The following GPR155 variants were observed in gnomAD, a reference collection of about 807,000 sequenced individuals.
GPR155 encodes G protein-coupled receptor 155, also known as lysosomal cholesterol signaling protein.
GPR155 carries 65 observed loss-of-function variants against 93.1 expected under a neutral mutation model. The ratio of observed to expected loss-of-function variants is 0.70; its 90% CI spans 0.57 to 0.86. The LOEUF is 0.86. Among genes scored for constraint, GPR155 ranks in the 40% least tolerant of loss-of-function variants. The pLI, the probability that GPR155 is intolerant of heterozygous loss-of-function variation, is 0.00. For missense variants in GPR155, 838 were observed against 1,034.8 expected, an observed-to-expected ratio of 0.81 and a Z score of 2.61; for synonymous variants, 319 against 360.1, an observed-to-expected ratio of 0.89 and a Z score of 1.29.
chr2:174,481,607 A>G lies in GPR155; in HGVS notation c.350T>C (p.Val117Ala). Reference sequence around the variant, plus strand: ...GGCAACCAATAAGGTTAATACACATACAATGAAAAATACAGAAGCTTTGGC... The same window carrying G: ...GGCAACCAATAAGGTTAATACACATGCAATGAAAAATACAGAAGCTTTGGC... ...LIAKASVFFI[V>A]CVLTLLVASP... The change falls in exon 2 of 16, where the codon GTA becomes GCA. Residue 117 changes from valine (V) to alanine (A), a missense_variant. Coordinates refer to ENST00000392552, the MANE Select transcript of GPR155 (RefSeq NM_152529.7). 1 of 1,613,544 alleles carries G rather than the reference A, an allele frequency of 6.2e-7. No individual in the cohort carries two copies.
At chr2:174,470,686 G>A (rs1206266455) in intron 3 of GPR155, 131 bp from the exon 4 acceptor site, 2 of 632,174 alleles carry the variant, frequency 3.2e-6, no homozygotes, top group Non-Finnish European at 2.6e-6. Context: ...CACATATTCT[G>A]TGCATGTCTA....
chr2:174,473,325 T>G lies in GPR155; in HGVS notation c.500A>C (p.Gln167Pro), dbSNP rs1574732884. ...TATTGGTGCCACCAAATAAATGTAC[T>G]GGAGATATTCTGGGTATGTAGTTTG... is the stretch of plus-strand genomic sequence containing the variant. ...LYQTTYPEYL[Q>P]YIYLVAPISL... The change falls in exon 3 of 16, where the codon CAG (glutamine) becomes CCG (proline). Residue 167 changes from glutamine (Q) to proline (P), a missense_variant. By Grantham distance (76) the Gln-to-Pro change is moderately conservative. Around this residue, in one of 3 missense-constraint regions of GPR155, gnomAD observed 663 missense variants for 790.1 expected, o/e 0.84. Coordinates refer to ENST00000392552, the MANE Select transcript of GPR155 (RefSeq NM_152529.7). The G allele has an allele frequency of 4.4e-6, 7 of 1,601,336 alleles. No individual in the cohort carries two copies. The highest frequency in any genetic ancestry group is 6.0e-6 in the Non-Finnish European group (7 of 1,173,018).
At chr2:174,453,866 G>C (rs752670112) in intron 10 of GPR155, 25 bp from the exon 11 acceptor site, 4 of 1,464,038 alleles carry the variant, frequency 2.7e-6, no homozygotes, top group African/African-American at 2.8e-5. Flanking sequence ...TAGTATGTGA[G>C]AGTAGAGCCC....
intron 2 of GPR155, among the ~76,000 whole-genome samples, chr2:174,479,361 T>C (rs983345586): frequency 1.3e-5 from 2 of 152,184 alleles, no homozygotes; most frequent in African/African-American, 4.8e-5. Flanking sequence ...ACAAGGCTGG[T>C]TGGGTCTTCT....
chr2:174,441,268 A>G (rs1319288381), intron 14 of GPR155, among the ~76,000 whole-genome samples: 1 of 152,044 alleles, frequency 6.6e-6, no homozygotes, highest in Non-Finnish European at 1.5e-5. Context: ...CATTTTATGT[A>G]CCATCATTTG....
intron 11 of GPR155, among the ~76,000 whole-genome samples, chr2:174,453,127 AC>A (rs1687370545): frequency 6.6e-6 from 1 of 152,206 alleles, no homozygotes; most frequent in African/African-American, 2.4e-5. Flanking sequence ...TCCACCTCCC[AC>A]CAAAATGCCC....
chr2:174,433,667 A>G lies in GPR155; in HGVS notation c.*2449T>C, dbSNP rs1002894438. On this transcript the variant is annotated 3_prime_UTR_variant, in exon 16 of 16. Coordinates refer to ENST00000392552, the MANE Select transcript of GPR155 (RefSeq NM_152529.7). Reference sequence around the variant, plus strand: ...GAATTAATGTCCTTATAAGGGGCCAATGAGACCAGTTCTTCCCATCTACCA... The same window carrying G: ...GAATTAATGTCCTTATAAGGGGCCAGTGAGACCAGTTCTTCCCATCTACCA... 6.6e-6 allele frequency: 1 copy of G among 152,232 alleles called. No homozygotes were observed. Among genetic ancestry groups the G allele is most frequent in the African/African-American group, 2.4e-5 (1 of 41,448 alleles). 9.4% of individuals were successfully genotyped at this position (152,232 alleles called of 1,614,324 possible).
At chr2:174,465,717 G>T in intron 7 of GPR155, 68 bp downstream of exon 7, 1 of 783,258 alleles carries the variant, frequency 1.3e-6, no homozygotes, top group Non-Finnish European at 2.2e-6. Context: ...ATCACTAGAA[G>T]CTCAGGGCTA....
chr2:174,445,877 G>A (rs1182447933), intron 12 of GPR155, among the ~76,000 whole-genome samples: 1 of 150,868 alleles, frequency 6.6e-6, no homozygotes, highest in Admixed American at 6.6e-5. Context: ...AATATGTTCT[G>A]AGAGGTTTTT....
chr2:174,452,884 T>A (rs1376817283), intron 11 of GPR155, among the ~76,000 whole-genome samples: 2 of 152,162 alleles, frequency 1.3e-5, no homozygotes, highest in African/African-American at 4.8e-5. Flanking sequence ...ACTCCTGACC[T>A]TGTGATCCAC....
intron 7 of GPR155, among the ~76,000 whole-genome samples, chr2:174,464,461 G>A (rs991587403): frequency 3.0e-4 from 46 of 152,106 alleles, no homozygotes; most frequent in East Asian, 3.8e-4. Flanking sequence ...GATCGAATGG[G>A]ATGACTTAAA....
At chr2:174,462,910 T>C (rs1687741595) in intron 7 of GPR155, among the ~76,000 whole-genome samples, 1 of 152,164 alleles carries the variant, frequency 6.6e-6, no homozygotes, top group Non-Finnish European at 1.5e-5. Context: ...TATTTTTAAA[T>C]GAGCACCTTA....
rs764360172 is a variant in GPR155, at chr2:174,473,127, A to G, written c.698T>C (p.Leu233Pro). 1 of 1,610,746 alleles carries G rather than the reference A, an allele frequency of 6.2e-7. No individual in the cohort carries two copies. ...VFIGIAFNFI[L>P]DRKVPVYVEN... The stretch of plus-strand genomic sequence containing the variant: ...GACATATACAGGTACCTTTCGATCA[A>G]GAATAAAATTGAAGGCGATGCCAAT... The change falls in exon 3 of 16, where the codon CTT (leucine) becomes CCT (proline). Residue 233 changes from leucine (L) to proline (P), a missense_variant. Leu to Pro is a moderately conservative substitution (Grantham distance 98). This residue lies in a region of GPR155 where 663 missense variants were observed against 790.1 expected (regional missense o/e 0.84). Transcript: ENST00000392552.
chr2:174,452,581 C>T (rs1268949990), intron 11 of GPR155, among the ~76,000 whole-genome samples: 1 of 152,122 alleles, frequency 6.6e-6, no homozygotes, highest in South Asian at 2.1e-4. Context: ...TAAGTATGTT[C>T]GGTTGTTTTG....
At chr2:174,478,266 CT>C (rs1688222909) in intron 2 of GPR155, among the ~76,000 whole-genome samples, 1 of 152,192 alleles carries the variant, frequency 6.6e-6, no homozygotes, top group African/African-American at 2.4e-5. Context: ...CAGGGTCTCA[CT>C]GTCACCCAGG....
intron 7 of GPR155, among the ~76,000 whole-genome samples, chr2:174,463,439 G>A (rs529158694): frequency 3.6e-4 from 55 of 152,266 alleles, no homozygotes; most frequent in African/African-American, 1.2e-3. Context: ...GGCCTCAAGC[G>A]ATCCTCCTGC....
intron 1 of GPR155, among the ~76,000 whole-genome samples, chr2:174,483,818 C>G (rs1688397598): frequency 6.6e-6 from 1 of 152,124 alleles, no homozygotes; most frequent in South Asian, 2.1e-4. Flanking sequence ...CTCCCAACCT[C>G]AGGTGATCTG....
chr2:174,464,459 G>A (rs1441545035), intron 7 of GPR155, among the ~76,000 whole-genome samples: 1 of 151,974 alleles, frequency 6.6e-6, no homozygotes, highest in Non-Finnish European at 1.5e-5. Flanking sequence ...ATGATCGAAT[G>A]GGATGACTTA....
chr2:174,468,768 C>T, intron 5 of GPR155, 144 bp downstream of exon 5: 1 of 724,654 alleles, frequency 1.4e-6, no homozygotes, highest in South Asian at 1.9e-5. Context: ...CTCAGTTAAT[C>T]AGAAGGCTGA....
Sources: gnomAD v4.1 joint callset for allele counts (sites outside exome capture counted in the v4.1 genomes callset) on GRCh38, gnomAD v4.1.1 for gene constraint, gnomAD v4.1.1 regional missense constraint, MANE v1.5 for transcripts, NCBI Gene and HGNC (gene_info 2026-07-23, HGNC 2026-07-21) for gene names.